The following CCDC149 variants were observed in gnomAD, a reference collection of about 807,000 sequenced individuals.
CCDC149 encodes the protein coiled-coil domain-containing protein 149.
CCDC149 carries 45 observed loss-of-function variants against 59.9 expected under a neutral mutation model. The observed-to-expected ratio is 0.75, with a 90% CI of 0.59 to 0.96. CCDC149 has a LOEUF of 0.96. CCDC149 is among the 40% of genes least tolerant of loss of function. CCDC149 has a pLI of 0.00. For synonymous variants in CCDC149, 245 were observed against 260.6 expected (o/e 0.94, Z 0.58); for missense variants, 584 against 664.7 (o/e 0.88, Z 1.33).
chr4:24,950,391 A>T (rs1462953914), intron 1 of CCDC149, among the ~76,000 whole-genome samples: 2 of 152,278 alleles, frequency 1.3e-5, no homozygotes, highest in Non-Finnish European at 2.9e-5. Context: ...ACAGTGCCTG[A>T]CACAGAGTAA....
chr4:24,898,681 A>G (rs1471986560), intron 1 of CCDC149, among the ~76,000 whole-genome samples: 1 of 152,120 alleles, frequency 6.6e-6, no homozygotes, highest in East Asian at 1.9e-4. Context: ...GAGGACCCCC[A>G]TCCTCAGGAA....
In CCDC149 at chr4:24,866,729, A is replaced by C. The variant is rs566725434; in HGVS notation, c.264+6952T>G. On this transcript the variant is annotated intron_variant, in intron 3 of 12. Transcript: ENST00000635206. ...TCCAAAAGAAAGCCTCAACAACTAC[A>C]TTTCTAGAACTACAAATGTAAAAGT... Among the ~76,000 whole-genome samples the C allele has an allele frequency of 1.1e-4, 16 of 150,338 alleles. No individual in the cohort carries two copies. In the Middle Eastern group the frequency reaches 0.01, roughly 97 times the overall value.
intron 1 of CCDC149, among the ~76,000 whole-genome samples, chr4:24,888,412 G>A (rs1343399520): frequency 6.6e-6 from 1 of 152,138 alleles, no homozygotes; most frequent in African/African-American, 2.4e-5. Context: ...TGTGTAAGGA[G>A]AGGATGCAGG....
intron 9 of CCDC149, among the ~76,000 whole-genome samples, chr4:24,824,669 C>T (rs1210148413): frequency 6.6e-6 from 1 of 152,218 alleles, no homozygotes; most frequent in African/African-American, 2.4e-5. Flanking sequence ...CCATACTCCC[C>T]TCTTCCCATT....
chr4:24,850,335 G>A (rs995091587), intron 4 of CCDC149, among the ~76,000 whole-genome samples: 3 of 152,252 alleles, frequency 2.0e-5, no homozygotes, highest in South Asian at 2.1e-4. Context: ...TGGGGCTGTC[G>A]GTGCCACGCA....
chr4:24,880,871 C>T (rs1719799604), intron 1 of CCDC149, among the ~76,000 whole-genome samples: 1 of 152,200 alleles, frequency 6.6e-6, no homozygotes, highest in South Asian at 2.1e-4. Context: ...CCCCAGGACT[C>T]GTTTCCACAC....
intron 3 of CCDC149, among the ~76,000 whole-genome samples, chr4:24,863,275 G>A (rs916445224): frequency 2.1e-4 from 32 of 152,316 alleles, no homozygotes; most frequent in African/African-American, 7.0e-4. Flanking sequence ...CTGGGCGACA[G>A]AGCAAGACGT....
chr4:24,932,336 A>G (rs1449374556), intron 1 of CCDC149, among the ~76,000 whole-genome samples: 1 of 152,210 alleles, frequency 6.6e-6, no homozygotes, highest in Non-Finnish European at 1.5e-5. Flanking sequence ...CAGCTGTACC[A>G]GGAATCACTT....
intron 12 of CCDC149, among the ~76,000 whole-genome samples, chr4:24,814,578 C>G (rs936541528): frequency 2.6e-5 from 4 of 152,312 alleles, no homozygotes; most frequent in African/African-American, 9.6e-5. Flanking sequence ...GTCTCAGGCC[C>G]TACTCCAGAA....
At chr4:24,944,726 G>A (rs1251554911) in intron 1 of CCDC149, among the ~76,000 whole-genome samples, 4 of 152,248 alleles carry the variant, frequency 2.6e-5, no homozygotes, top group South Asian at 2.1e-4. Context: ...AAACCTGCAC[G>A]TTCAGCACAT....
At chr4:24,825,572 G>A (rs2109116030) in intron 9 of CCDC149, among the ~76,000 whole-genome samples, 1 of 152,138 alleles carries the variant, frequency 6.6e-6, no homozygotes, top group East Asian at 2.0e-4. Flanking sequence ...AGGAGATCGA[G>A]ACCATCCTGG....
chr4:24,973,488 A>G (rs139145024), intron 1 of CCDC149, among the ~76,000 whole-genome samples: 29 of 152,328 alleles, frequency 1.9e-4, no homozygotes, highest in African/African-American at 6.3e-4. Context: ...AAGTCTGGAG[A>G]AAAAGAAGTC....
At chr4:24,931,786 C>T (rs1314320705) in intron 1 of CCDC149, among the ~76,000 whole-genome samples, 1 of 136,218 alleles carries the variant, frequency 7.3e-6, no homozygotes, top group Admixed American at 7.7e-5. Flanking sequence ...TGAATTCTGG[C>T]AGCACTGTAA....
intron 9 of CCDC149, chr4:24,829,350 G>T: frequency 6.6e-6 from 1 of 152,266 alleles, no homozygotes; most frequent in East Asian, 1.9e-4. Flanking sequence ...TCTGAGAAGA[G>T]TCTGCAGAGA....
At chr4:24,864,792 A>G (rs777055296) in intron 3 of CCDC149, among the ~76,000 whole-genome samples, 1 of 152,188 alleles carries the variant, frequency 6.6e-6, no homozygotes, top group Non-Finnish European at 1.5e-5. Flanking sequence ...CTTGAACCAC[A>G]CAGATCCACT....
intron 1 of CCDC149, among the ~76,000 whole-genome samples, chr4:24,969,619 G>C (rs1380249383): frequency 6.6e-6 from 1 of 152,174 alleles, no homozygotes; most frequent in Non-Finnish European, 1.5e-5. Context: ...AACCTTGAAC[G>C]AACGGCCACA....
intron 1 of CCDC149, among the ~76,000 whole-genome samples, chr4:24,884,408 T>C (rs144476451): frequency 1.0e-3 from 153 of 152,310 alleles, no homozygotes; most frequent in Non-Finnish European, 1.4e-3. Context: ...TACACTCTAG[T>C]ACAGTCGCAC....
At chr4:24,869,496 G>A (rs1390870847) in intron 3 of CCDC149, among the ~76,000 whole-genome samples, 1 of 152,178 alleles carries the variant, frequency 6.6e-6, no homozygotes, top group Non-Finnish European at 1.5e-5. Context: ...ACTTTGAGTG[G>A]CAACTGCAAC....
Position 24,935,431 on chromosome 4 carries a change from G to A in CCDC149, c.-64-40313C>T, listed in dbSNP as rs1484496594. Among the ~76,000 whole-genome samples, 7 of 152,182 alleles carry A rather than the reference G, an allele frequency of 4.6e-5. No individual in the cohort carries two copies. The East Asian group carries it at 1.3e-3, about 29-fold the overall frequency. ...TTAGTTCGGCAGTATACTGCGATCT[G>A]AATGCTTGTGTCTCCCTTAAATTTA... is the stretch of plus-strand genomic sequence containing the variant. On this transcript the variant is annotated intron_variant, in intron 1 of 12. Coordinates refer to the CCDC149 transcript ENST00000389609.
Sources: gnomAD v4.1 joint callset for allele counts (sites outside exome capture counted in the v4.1 genomes callset) on GRCh38, gnomAD v4.1.1 for gene constraint, MANE v1.5 for transcripts, NCBI Gene and HGNC (gene_info 2026-07-23, HGNC 2026-07-21) for gene names.